Variants in CSMD1 observed in about 807,000 individuals in gnomAD.
CSMD1 encodes CUB and sushi domain-containing protein 1.
In CSMD1, 213 loss-of-function variants were observed where a neutral mutation model predicts 417.5. The ratio of observed to expected loss-of-function variants is 0.51; its 90% CI spans 0.46 to 0.57. The LOEUF is 0.57. CSMD1 is among the 20% of genes least tolerant of loss of function. The probability of loss-of-function intolerance (pLI) is 0.00; values close to 1 mark genes in which losing one functional copy is unlikely to be tolerated. For missense variants in CSMD1, 6,923 were observed against 4,529.7 expected (o/e 1.53, Z -15.17); for synonymous variants, 2,862 against 1,736.8 (o/e 1.65, Z -16.11).
At chr8:3,902,420 T>C (rs938589922) in intron 5 of CSMD1, among the ~76,000 whole-genome samples, 1 of 152,142 alleles carries the variant, frequency 6.6e-6, no homozygotes, top group African/African-American at 2.4e-5. Context: ...TCCCCATCTT[T>C]TTTGCTACCA....
In CSMD1 at chr8:3,984,929, T is replaced by C. The variant is rs1014719007; in HGVS notation, c.818+12974A>G. 2.6e-5 allele frequency among the ~76,000 whole-genome samples: 4 copies of C among 152,124 alleles called. No homozygotes were observed. The South Asian group carries it at 6.2e-4, about 24-fold the overall frequency. ...TTTCAAGCTTCATTGTAGTTCATTA[T>C]AAGCCTTTAAAATTAACACTTTAGA... On this transcript the variant is annotated intron_variant, in intron 5 of 69. Transcript: ENST00000635120.
intron 1 of CSMD1, among the ~76,000 whole-genome samples, chr8:4,664,769 A>T (rs1334628535): frequency 6.6e-6 from 1 of 152,164 alleles, no homozygotes; most frequent in African/African-American, 2.4e-5. Context: ...AATTATTCAC[A>T]TAGTTTGGAA....
chr8:3,675,558 G>A (rs989517620), intron 7 of CSMD1, among the ~76,000 whole-genome samples: 21 of 152,036 alleles, frequency 1.4e-4, no homozygotes, highest in African/African-American at 5.1e-4. Context: ...CTTTCAGGAA[G>A]TGATTTGGTT....
At chr8:4,798,411 A>T (rs1798099871) in intron 1 of CSMD1, among the ~76,000 whole-genome samples, 1 of 152,140 alleles carries the variant, frequency 6.6e-6, no homozygotes. Context: ...AAATATTCTA[A>T]TTTTTAAGGG....
rs75004592 is a variant in CSMD1, at chr8:3,877,902, G to A, written c.818+120001C>T. On this transcript the variant is annotated intron_variant, in intron 5 of 69. Transcript: ENST00000635120. ...TTCAGAAGGAAAATTGTATCTTCAAGTAAATCATTTTATAGGTCGTGGCCA... is the reference window on the plus strand; with the variant it reads ...TTCAGAAGGAAAATTGTATCTTCAAATAAATCATTTTATAGGTCGTGGCCA... 4.7e-4 allele frequency among the ~76,000 whole-genome samples: 71 copies of A among 150,324 alleles called. 2 individuals are homozygous for A. The South Asian group carries it at 0.014, about 31-fold the overall frequency.
intron 42 of CSMD1, among the ~76,000 whole-genome samples, chr8:3,111,797 A>T (rs541092203): frequency 1.3e-5 from 2 of 152,084 alleles, no homozygotes; most frequent in East Asian, 3.9e-4. Flanking sequence ...GTGCCATTGC[A>T]CTCCAGCATG....
intron 3 of CSMD1, among the ~76,000 whole-genome samples, chr8:4,246,540 A>C (rs1802719995): frequency 3.9e-5 from 6 of 152,172 alleles, no homozygotes; most frequent in Admixed American, 3.9e-4. Context: ...TTTTTACTTA[A>C]GATGTTTCAT....
chr8:4,241,516 A>T (rs1196608316), intron 3 of CSMD1, among the ~76,000 whole-genome samples: 5 of 152,188 alleles, frequency 3.3e-5, no homozygotes, highest in African/African-American at 1.2e-4. Flanking sequence ...TGCCCCCAGG[A>T]GGGCAGGGTC....
intron 1 of CSMD1, among the ~76,000 whole-genome samples, chr8:4,934,492 G>A (rs535828426): frequency 1.8e-4 from 28 of 152,248 alleles, no homozygotes; most frequent in South Asian, 8.3e-4. Flanking sequence ...AAAATACGAA[G>A]AGCTTATCAG....
intron 12 of CSMD1, among the ~76,000 whole-genome samples, chr8:3,417,862 G>A (rs376827474): frequency 2.7e-4 from 41 of 152,254 alleles, no homozygotes; most frequent in African/African-American, 6.3e-4. Context: ...ACATGTCCAC[G>A]CGGTATGGAC....
chr8:4,579,679 G>A (rs1054139089), intron 2 of CSMD1, among the ~76,000 whole-genome samples: 1 of 151,906 alleles, frequency 6.6e-6, no homozygotes, highest in Non-Finnish European at 1.5e-5. Flanking sequence ...TATATTTTAA[G>A]GATACTTCTG....
chr8:3,470,461 A>G (rs4875716), intron 11 of CSMD1, among the ~76,000 whole-genome samples: 11,619 of 152,244 alleles, frequency 0.076, 513 homozygotes, highest in East Asian at 0.19. Flanking sequence ...TTGCAAAACT[A>G]TAACAATCAG....
chr8:3,177,760 C>A (rs1238875993), intron 37 of CSMD1, among the ~76,000 whole-genome samples: 3 of 152,314 alleles, frequency 2.0e-5, no homozygotes, highest in African/African-American at 7.2e-5. Context: ...AGTTCAATAA[C>A]AGTCACTGCC....
At chr8:4,065,063 T>C in intron 3 of CSMD1, among the ~76,000 whole-genome samples, 1 of 152,350 alleles carries the variant, frequency 6.6e-6, no homozygotes, top group Non-Finnish European at 1.5e-5. Context: ...AAATTACTGA[T>C]TATAATTTTA....
intron 1 of CSMD1, among the ~76,000 whole-genome samples, chr8:4,699,472 A>G (rs1238045416): frequency 1.3e-5 from 2 of 152,124 alleles, no homozygotes; most frequent in African/African-American, 4.8e-5. Context: ...TTTTCCCCAA[A>G]TCCATCTGTG....
intron 5 of CSMD1, among the ~76,000 whole-genome samples, chr8:3,772,988 GACTGGATTCCTGATTC>G (rs1798700626): frequency 6.6e-6 from 1 of 152,114 alleles, no homozygotes; most frequent in African/African-American, 2.4e-5. Flanking sequence ...TTCTGGGAAG[GACTGGATTCCTGATTC>G]AGAGGCAGGA....
At chr8:3,488,387 C>T (rs1300135138) in intron 11 of CSMD1, among the ~76,000 whole-genome samples, 4 of 152,194 alleles carry the variant, frequency 2.6e-5, no homozygotes, top group South Asian at 2.1e-4. Context: ...GGATTATAGG[C>T]GTATACCAGC....
At chr8:3,188,814 C>G in intron 35 of CSMD1, 73 bp downstream of exon 35, 1 of 1,295,234 alleles carries the variant, frequency 7.7e-7, no homozygotes, top group African/African-American at 1.5e-5. Flanking sequence ...AAACATAGAA[C>G]AAAAGAATGA....
chr8:3,636,986 C>G (rs1484863574), intron 7 of CSMD1, among the ~76,000 whole-genome samples: 1 of 152,142 alleles, frequency 6.6e-6, no homozygotes, highest in Non-Finnish European at 1.5e-5. Context: ...CTCTCTCTCT[C>G]TTTCTCTCTG....
Sources: allele counts gnomAD v4.1 joint callset (sites outside exome capture counted in the v4.1 genomes callset), GRCh38; gene constraint gnomAD v4.1.1; transcripts MANE v1.5; gene names NCBI Gene and HGNC (gene_info 2026-07-23, HGNC 2026-07-21).